Variants in MAD1L1 observed in about 807,000 individuals in gnomAD.
The protein encoded by MAD1L1 is mitotic spindle assembly checkpoint protein MAD1.
In MAD1L1, 95 loss-of-function variants were observed where a neutral mutation model predicts 96.9. That is an observed-to-expected ratio of 0.98 (90% CI 0.83 to 1.16). MAD1L1 has a LOEUF of 1.16. Among genes scored for constraint, MAD1L1 ranks in the 50% most tolerant of loss-of-function variants. The pLI, the probability that MAD1L1 is intolerant of heterozygous loss-of-function variation, is 0.00. For missense variants in MAD1L1, 1,007 were observed against 954.4 expected, an observed-to-expected ratio of 1.06 and a Z score of -0.73; for synonymous variants, 473 against 396.6, an observed-to-expected ratio of 1.19 and a Z score of -2.29.
intron 12 of MAD1L1, among the ~76,000 whole-genome samples, chr7:2,036,983 C>G (rs531186405): frequency 8.5e-5 from 13 of 152,220 alleles, no homozygotes; most frequent in African/African-American, 2.2e-4. Flanking sequence ...CAGCTCCCCC[C>G]ACAGCACGAG....
chr7:2,044,567 C>T (rs1783836294), intron 12 of MAD1L1, among the ~76,000 whole-genome samples: 1 of 152,176 alleles, frequency 6.6e-6, no homozygotes, highest in African/African-American at 2.4e-5. Context: ...CAGCAGGGCA[C>T]AGAACCAGCA....
intron 17 of MAD1L1, among the ~76,000 whole-genome samples, chr7:1,922,460 C>T (rs766662923): frequency 2.0e-5 from 3 of 152,220 alleles, no homozygotes; most frequent in East Asian, 1.9e-4. Flanking sequence ...CACAGACACA[C>T]GGACATATTT....
intron 10 of MAD1L1, among the ~76,000 whole-genome samples, chr7:2,209,319 G>A (rs961123374): frequency 6.6e-6 from 1 of 152,154 alleles, no homozygotes; most frequent in Non-Finnish European, 1.5e-5. Flanking sequence ...AGCCCGGGGC[G>A]AGGCCGAAGA....
At chr7:1,840,106 G>A (rs1240880346) in intron 18 of MAD1L1, among the ~76,000 whole-genome samples, 1 of 152,192 alleles carries the variant, frequency 6.6e-6, no homozygotes, top group Non-Finnish European at 1.5e-5. Flanking sequence ...CCCCCATGAG[G>A]ACGACATCAG....
chr7:1,928,217 C>T (rs547374568), intron 17 of MAD1L1, among the ~76,000 whole-genome samples: 20 of 150,828 alleles, frequency 1.3e-4, no homozygotes, highest in Admixed American at 1.2e-3. Flanking sequence ...AAGGAGCCCA[C>T]GACGGAACTC....
chr7:2,054,230 C>G (rs1784301094), intron 12 of MAD1L1, among the ~76,000 whole-genome samples: 1 of 152,190 alleles, frequency 6.6e-6, no homozygotes, highest in South Asian at 2.1e-4. Flanking sequence ...TTTCAAAGAG[C>G]CAAGAGTAAA....
intron 18 of MAD1L1, among the ~76,000 whole-genome samples, chr7:1,843,088 G>A (rs1454628224): frequency 6.6e-6 from 1 of 152,188 alleles, no homozygotes; most frequent in Admixed American, 6.5e-5. Flanking sequence ...CTAGAGAGCA[G>A]CCCTGGTCAT....
chr7:2,039,312 A>G (rs1341573944), intron 12 of MAD1L1, among the ~76,000 whole-genome samples: 2 of 152,236 alleles, frequency 1.3e-5, no homozygotes, highest in Non-Finnish European at 2.9e-5. Context: ...ATTATGCAAA[A>G]GCTGCTAGGA....
At chr7:2,154,442 A>C (rs1789725421) in intron 10 of MAD1L1, among the ~76,000 whole-genome samples, 1 of 152,234 alleles carries the variant, frequency 6.6e-6, no homozygotes, top group Non-Finnish European at 1.5e-5. Flanking sequence ...GGGTGACTAG[A>C]GTTAACAGTG....
intron 18 of MAD1L1, among the ~76,000 whole-genome samples, chr7:1,895,676 G>A (rs1026051175): frequency 6.6e-6 from 1 of 152,268 alleles, no homozygotes; most frequent in African/African-American, 2.4e-5. Flanking sequence ...GAAGGGTGGG[G>A]AGCGGGGCCT....
intron 10 of MAD1L1, among the ~76,000 whole-genome samples, chr7:2,191,560 G>A (rs866869089): frequency 5.3e-5 from 8 of 151,974 alleles, no homozygotes; most frequent in Admixed American, 2.6e-4. Flanking sequence ...GTGAAACCCC[G>A]TCTCTACTAA....
intron 12 of MAD1L1, among the ~76,000 whole-genome samples, chr7:2,030,648 A>G (rs1246828123): frequency 1.3e-5 from 2 of 151,892 alleles, no homozygotes; most frequent in Non-Finnish European, 2.9e-5. Flanking sequence ...AACAAACCAG[A>G]CGCCGCCCCG....
At chr7:2,215,376 C>CAAAA (rs34020959) in intron 9 of MAD1L1, among the ~76,000 whole-genome samples, 2 of 83,330 alleles carry the variant, frequency 2.4e-5, no homozygotes, top group Non-Finnish European at 4.8e-5. Flanking sequence ...GACTCCATCT[C>CAAAA]AAAAAAAAAA....
chr7:2,111,135 G>A (rs1228666838), intron 11 of MAD1L1, among the ~76,000 whole-genome samples: 1 of 152,216 alleles, frequency 6.6e-6, no homozygotes, highest in Non-Finnish European at 1.5e-5. Context: ...GAGGAACAAA[G>A]AAGAAACAGG....
intron 10 of MAD1L1, among the ~76,000 whole-genome samples, chr7:2,157,478 A>G (rs1159654824): frequency 1.3e-5 from 2 of 152,170 alleles, no homozygotes; most frequent in Non-Finnish European, 2.9e-5. Flanking sequence ...GACGCTGCCC[A>G]TCTGGGAGGA....
rs1788804687 is a variant in MAD1L1, at chr7:1,921,697, A to T, written c.1807+14990T>A. Among the ~76,000 whole-genome samples, 3 of 152,210 alleles carry T rather than the reference A, an allele frequency of 2.0e-5. No homozygotes were observed. The South Asian group carries it at 6.2e-4, about 32-fold the overall frequency. On this transcript the variant is annotated intron_variant, in intron 17 of 18. Transcript: ENST00000265854. Reference sequence around the variant, plus strand: ...TTAAGTCAAAAAAAAGGATAAATGAAATTAAAAAAAACAAAAGATCTGAAT... The same window carrying T: ...TTAAGTCAAAAAAAAGGATAAATGATATTAAAAAAAACAAAAGATCTGAAT...
rs1323344824 is a variant in MAD1L1, at chr7:2,198,260, G to A, written c.986+14952C>T. ...TGTGAGCCAAGGCACCCAGCCCAGC[G>A]TGGATTTGTGCCAGGAAGAGCCAGC... On this transcript the variant is annotated intron_variant, in intron 10 of 18. Coordinates refer to ENST00000265854, the MANE Select transcript of MAD1L1 (RefSeq NM_001013836.2). Among the ~76,000 whole-genome samples the A allele has an allele frequency of 5.3e-5, 8 of 152,220 alleles. No homozygotes were observed. In the East Asian group the frequency reaches 5.8e-4, roughly 11 times the overall value.
chr7:2,203,778 C>T (rs1410793841), intron 10 of MAD1L1, among the ~76,000 whole-genome samples: 4 of 152,234 alleles, frequency 2.6e-5, no homozygotes, highest in Non-Finnish European at 4.4e-5. Context: ...TATGTACACA[C>T]ATTTCCAGAA....
chr7:1,916,673 C>A (rs974675223), intron 17 of MAD1L1, among the ~76,000 whole-genome samples: 1 of 152,096 alleles, frequency 6.6e-6, no homozygotes, highest in African/African-American at 2.4e-5. Context: ...TGATCACTGG[C>A]GGGGAGATGA....
Sources: gnomAD v4.1 joint callset for allele counts (sites outside exome capture counted in the v4.1 genomes callset) on GRCh38, gnomAD v4.1.1 for gene constraint, MANE v1.5 for transcripts, NCBI Gene and HGNC (gene_info 2026-07-23, HGNC 2026-07-21) for gene names.